Variants in NSMCE2 observed in about 807,000 individuals in gnomAD.
NSMCE2 encodes the protein NSE2 SUMO ligase component of SMC5/6 complex, also known as E3 SUMO-protein ligase NSE2.
NSMCE2 carries 24 observed loss-of-function variants against 23.8 expected under a neutral mutation model. The observed-to-expected ratio is 1.01, with a 90% confidence interval of 0.73 to 1.42. The LOEUF (loss-of-function observed/expected upper bound fraction) is 1.42, where lower values mean the gene tolerates loss of function less well. Ranked by LOEUF, NSMCE2 falls within the 40% of genes most tolerant of loss-of-function variation. The pLI is 0.00. For synonymous variants in NSMCE2, 92 were observed against 94.1 expected, an observed-to-expected ratio of 0.98 and a Z score of 0.13; for missense variants, 284 against 296.5, an observed-to-expected ratio of 0.96 and a Z score of 0.31.
At chr8:125,105,756 A>C (rs2130384727) in intron 3 of NSMCE2, among the ~76,000 whole-genome samples, 1 of 152,316 alleles carries the variant, frequency 6.6e-6, no homozygotes, top group South Asian at 2.1e-4. Flanking sequence ...AAAAATGGGC[A>C]GTGGGCCGGA....
chr8:125,228,784 G>T (rs894581229), intron 5 of NSMCE2, among the ~76,000 whole-genome samples: 1 of 152,150 alleles, frequency 6.6e-6, no homozygotes, highest in Non-Finnish European at 1.5e-5. Context: ...TACGTGCCTG[G>T]CTCTGTGCTA....
At chr8:125,137,719 G>A (rs75820550) in intron 3 of NSMCE2, among the ~76,000 whole-genome samples, 3,317 of 152,222 alleles carry the variant, frequency 0.022, 129 homozygotes, top group African/African-American at 0.076. Flanking sequence ...GTAGTTAGGC[G>A]AATGGACTCT....
chr8:125,176,688 C>T (rs34313970), intron 4 of NSMCE2, among the ~76,000 whole-genome samples: 22,487 of 152,176 alleles, frequency 0.15, 2,171 homozygotes, highest in Non-Finnish European at 0.21. Flanking sequence ...GACAGGTGAG[C>T]GCTTTATTGC....
intron 4 of NSMCE2, among the ~76,000 whole-genome samples, chr8:125,160,701 GACA>G (rs1355476125): frequency 6.6e-6 from 1 of 152,182 alleles, no homozygotes; most frequent in Non-Finnish European, 1.5e-5. Flanking sequence ...ATAAGAACCA[GACA>G]ACAAGTAAAC....
chr8:125,216,984 G>A (rs1824617782), intron 5 of NSMCE2, among the ~76,000 whole-genome samples: 1 of 152,170 alleles, frequency 6.6e-6, no homozygotes, highest in South Asian at 2.1e-4. Flanking sequence ...GCTTCAAATA[G>A]GATGATTTGT....
At chr8:125,313,070 C>T (rs1377436339) in intron 5 of NSMCE2, among the ~76,000 whole-genome samples, 11 of 136,198 alleles carry the variant, frequency 8.1e-5, no homozygotes, top group South Asian at 2.3e-4. Flanking sequence ...CAAACCTACA[C>T]GTTCTGCACA....
intron 5 of NSMCE2, among the ~76,000 whole-genome samples, chr8:125,260,344 C>A (rs1008315780): frequency 6.6e-6 from 1 of 152,056 alleles, no homozygotes; most frequent in African/African-American, 2.4e-5. Context: ...ATGAAATCAT[C>A]TGAATAGCAG....
chr8:125,216,316 G>A (rs952884526), intron 5 of NSMCE2, among the ~76,000 whole-genome samples: 12 of 152,092 alleles, frequency 7.9e-5, no homozygotes, highest in Admixed American at 3.3e-4. Context: ...TCTTTTTTGT[G>A]TATATATCAG....
At chr8:125,330,780 C>T (rs1271901313) in intron 5 of NSMCE2, among the ~76,000 whole-genome samples, 1 of 152,082 alleles carries the variant, frequency 6.6e-6, no homozygotes, top group Non-Finnish European at 1.5e-5. Context: ...GATGATCACC[C>T]AACATTGCCT....
chr8:125,125,766 G>A (rs997076664), intron 3 of NSMCE2, among the ~76,000 whole-genome samples: 2 of 152,200 alleles, frequency 1.3e-5, no homozygotes, highest in African/African-American at 4.8e-5. Flanking sequence ...GAGAGCTTAT[G>A]AGTCAGAGAC....
At chr8:125,345,523 A>C (rs1353906010) in intron 5 of NSMCE2, among the ~76,000 whole-genome samples, 3 of 152,236 alleles carry the variant, frequency 2.0e-5, no homozygotes, top group Admixed American at 2.0e-4. Flanking sequence ...CATGAAGCTG[A>C]ATCAGACAGT....
At chr8:125,304,372 A>G (rs1828673376) in intron 5 of NSMCE2, among the ~76,000 whole-genome samples, 1 of 152,170 alleles carries the variant, frequency 6.6e-6, no homozygotes, top group Non-Finnish European at 1.5e-5. Context: ...GGTTTTTAGC[A>G]GAGGAGTGAC....
At chr8:125,205,189 C>CA (rs1265570328) in intron 5 of NSMCE2, among the ~76,000 whole-genome samples, 2 of 152,220 alleles carry the variant, frequency 1.3e-5, no homozygotes, top group Admixed American at 1.3e-4. Context: ...ATGCAGAAAT[C>CA]ACTGACTTCA....
intron 3 of NSMCE2, among the ~76,000 whole-genome samples, chr8:125,126,813 T>C (rs1819538996): frequency 6.6e-6 from 1 of 152,228 alleles, no homozygotes; most frequent in Non-Finnish European, 1.5e-5. Context: ...TATTTAACTT[T>C]GTACCCACAC....
chr8:125,205,688 C>T (rs144373365), intron 5 of NSMCE2, among the ~76,000 whole-genome samples: 2 of 152,264 alleles, frequency 1.3e-5, no homozygotes, highest in Non-Finnish European at 2.9e-5. Flanking sequence ...TACCATTAAC[C>T]TAGTAATCAC....
chr8:125,096,634 CTTT>C (rs34656029), intron 1 of NSMCE2, among the ~76,000 whole-genome samples: 2 of 80,432 alleles, frequency 2.5e-5, no homozygotes, highest in African/African-American at 5.2e-5. Context: ...GTGTGGAATC[CTTT>C]TTTTTTTTTT....
At chr8:125,334,937 G>C (rs1388557499) in intron 5 of NSMCE2, among the ~76,000 whole-genome samples, 1 of 151,424 alleles carries the variant, frequency 6.6e-6, no homozygotes, top group Non-Finnish European at 1.5e-5. Context: ...TTATTTTTTT[G>C]TAGAGGCGGA....
chr8:125,322,447 C>G (rs1829494710), intron 5 of NSMCE2, among the ~76,000 whole-genome samples: 2 of 152,176 alleles, frequency 1.3e-5, no homozygotes, highest in South Asian at 4.1e-4. Context: ...TAAAAATGCT[C>G]AGCAAACAGA....
chr8:125,238,595 C>T (rs1177070633), intron 5 of NSMCE2, among the ~76,000 whole-genome samples: 1 of 152,018 alleles, frequency 6.6e-6, no homozygotes, highest in Non-Finnish European at 1.5e-5. Context: ...TTTCCTGTTC[C>T]TCCCCCTTTC....
Sources: gnomAD v4.1 joint callset for allele counts (sites outside exome capture counted in the v4.1 genomes callset) on GRCh38, gnomAD v4.1.1 for gene constraint, MANE v1.5 for transcripts, NCBI Gene and HGNC (gene_info 2026-07-23, HGNC 2026-07-21) for gene names.